Variants in MPP7 observed in about 807,000 individuals in gnomAD.
MPP7 encodes MAGUK p55 subfamily member 7.
A neutral mutation model predicts 76.5 loss-of-function variants in MPP7; 60 were observed. The observed-to-expected ratio is 0.78, with a 90% CI of 0.64 to 0.97. The LOEUF (loss-of-function observed/expected upper bound fraction) is 0.97, where lower values mean the gene tolerates loss of function less well. Among genes scored for constraint, MPP7 ranks in the 50% least tolerant of loss-of-function variants. The pLI, the probability that MPP7 is intolerant of heterozygous loss-of-function variation, is 0.00. For missense variants in MPP7, 641 were observed against 694.0 expected, an observed-to-expected ratio of 0.92 and a Z score of 0.86; for synonymous variants, 237 against 244.5, an observed-to-expected ratio of 0.97 and a Z score of 0.29.
intron 1 of MPP7, among the ~76,000 whole-genome samples, chr10:28,295,663 T>C (rs974199015): frequency 3.9e-5 from 6 of 152,232 alleles, no homozygotes; most frequent in African/African-American, 1.4e-4. Flanking sequence ...GGAGTGAAGC[T>C]AAGGAATGCC....
chr10:28,316,326 T>C (rs1412099764), intron 2 of MPP7, among the ~76,000 whole-genome samples: 1 of 150,844 alleles, frequency 6.6e-6, no homozygotes, highest in Non-Finnish European at 1.5e-5. Context: ...TCCCAGCTAC[T>C]CAGGAGGTTG....
chr10:28,118,983 G>C (rs1008361881), intron 11 of MPP7: 254 of 985,262 alleles, frequency 2.6e-4, no homozygotes, highest in Non-Finnish European at 2.9e-4. Flanking sequence ...ATCTAGGCGA[G>C]GTGGAACAGG....
chr10:28,294,482 G>A (rs1283516035), intron 1 of MPP7, among the ~76,000 whole-genome samples: 2 of 152,178 alleles, frequency 1.3e-5, no homozygotes, highest in Non-Finnish European at 2.9e-5. Flanking sequence ...AACATACGGT[G>A]ATTAAAGAAT....
intron 10 of MPP7, 93 bp from the exon 11 acceptor site, chr10:28,119,808 A>C (rs1249086160): frequency 2.0e-6 from 2 of 1,001,690 alleles, no homozygotes; most frequent in Non-Finnish European, 3.0e-6. Flanking sequence ...AAAAAACTTA[A>C]AGGTTAGAGA....
chr10:28,269,553 A>C, intron 1 of MPP7, among the ~76,000 whole-genome samples: 1 of 144,620 alleles, frequency 6.9e-6, no homozygotes, highest in East Asian at 2.0e-4. Context: ...AAGAGATGAG[A>C]TCTTGCTCTG....
intron 3 of MPP7, among the ~76,000 whole-genome samples, chr10:28,151,119 T>C (rs1835869958): frequency 6.6e-6 from 1 of 152,170 alleles, no homozygotes; most frequent in South Asian, 2.1e-4. Context: ...CCAAACTCCA[T>C]TGTAAAAGTC....
intron 13 of MPP7, among the ~76,000 whole-genome samples, chr10:28,063,563 C>T (rs771910400): frequency 7.9e-5 from 12 of 152,002 alleles, no homozygotes; most frequent in Non-Finnish European, 1.5e-4. Flanking sequence ...CTGTTAGGAA[C>T]CAGGCCACAC....
chr10:28,066,951 A>G (rs1852014095), intron 13 of MPP7, among the ~76,000 whole-genome samples: 1 of 152,174 alleles, frequency 6.6e-6, no homozygotes, highest in Non-Finnish European at 1.5e-5. Context: ...CATTCAAATG[A>G]TAAGCATTTG....
At chr10:28,224,293 G>T (rs1176146653) in intron 2 of MPP7, among the ~76,000 whole-genome samples, 1 of 151,350 alleles carries the variant, frequency 6.6e-6, no homozygotes, top group African/African-American at 2.4e-5. Context: ...TTAACAACTA[G>T]AAGAAAAAAC....
At chr10:28,324,530 G>A (rs756677495) in intron 2 of MPP7, among the ~76,000 whole-genome samples, 10 of 152,180 alleles carry the variant, frequency 6.6e-5, no homozygotes, top group Non-Finnish European at 1.0e-4. Context: ...CTGCAATTTA[G>A]TGGAGCATCT....
At position 28,058,543 on chromosome 10, in the gene MPP7, C is replaced by A; in HGVS notation, c.1359G>T (p.Arg453=). The A allele has an allele frequency of 6.2e-7, 1 of 1,607,098 alleles. No individual in the cohort carries two copies. The highest frequency in any genetic ancestry group is 1.1e-5 in the South Asian group (1 of 89,850). ...NYYGTSIDSV[R]SVLAKNKVCL... is the part of the protein sequence containing the mutation. ...AAACTTTGTTTTTAGCAAGGACAGA[C>A]CGAACTGAGTCTATACTTGTGCCGT... The change falls in exon 15 of 17, where the codon CGG becomes CGT. Residue 453 remains arginine, a synonymous_variant. Coordinates refer to ENST00000683449, the MANE Select transcript of MPP7 (RefSeq NM_001318170.2).
chr10:28,260,769 C>CAAAAAAA (rs772017051), intron 1 of MPP7, among the ~76,000 whole-genome samples: 1 of 68,348 alleles, frequency 1.5e-5, no homozygotes, highest in Non-Finnish European at 3.1e-5. Flanking sequence ...GACTCCATCT[C>CAAAAAAA]AAAAAAAAAA....
chr10:28,299,993 T>G (rs1489174459), intron 1 of MPP7, among the ~76,000 whole-genome samples: 1 of 152,090 alleles, frequency 6.6e-6, no homozygotes, highest in East Asian at 1.9e-4. Flanking sequence ...GGTCTCAATC[T>G]CCTGACCTTG....
chr10:28,100,091 A>T (rs1422433320), intron 11 of MPP7, among the ~76,000 whole-genome samples: 2 of 150,242 alleles, frequency 1.3e-5, no homozygotes, highest in Non-Finnish European at 2.9e-5. Flanking sequence ...GAAAAAAAAA[A>T]TTTACTATAA....
At chr10:28,329,536 G>A (rs916164283) in intron 2 of MPP7, among the ~76,000 whole-genome samples, 8 of 150,750 alleles carry the variant, frequency 5.3e-5, no homozygotes, top group African/African-American at 1.5e-4. Context: ...GGCTGAGGCA[G>A]GAGAATGGTG....
chr10:28,313,853 A>ATTTTT lies in MPP7; in HGVS notation c.-132+16071_-132+16075dup, dbSNP rs1192149562. On this transcript the variant is annotated intron_variant, in intron 2 of 11. Coordinates refer to the MPP7 transcript ENST00000441595. ...AGGTGTGTGCCACTATACCTGGCTA[A>ATTTTT]TTTTTTTTTTTTTATTTTTTTTATT... Among the ~76,000 whole-genome samples the ATTTTT allele has an allele frequency of 1.5e-3, 49 of 32,664 alleles. 7 individuals are homozygous for ATTTTT. The highest frequency in any genetic ancestry group is 1.8e-3 in the Non-Finnish European group (35 of 18,976). 21.4% of individuals were successfully genotyped at this position (32,664 alleles called of 152,430 possible). A position where few individuals can be genotyped will look rare whatever the true frequency, so the allele number is the denominator to read the frequency against.
intron 12 of MPP7, among the ~76,000 whole-genome samples, chr10:28,088,725 G>A (rs553080017): frequency 8.5e-5 from 13 of 152,164 alleles, no homozygotes; most frequent in African/African-American, 2.7e-4. Flanking sequence ...AATATCTCTC[G>A]CTACATTTTT....
At chr10:28,213,303 C>T (rs1007691460) in intron 2 of MPP7, among the ~76,000 whole-genome samples, 6 of 151,920 alleles carry the variant, frequency 3.9e-5, no homozygotes, top group African/African-American at 1.2e-4. Context: ...GGGTCAAGCG[C>T]GCAGGTGGAT....
intron 13 of MPP7, among the ~76,000 whole-genome samples, chr10:28,068,155 C>T (rs971002530): frequency 5.3e-5 from 8 of 151,712 alleles, no homozygotes; most frequent in African/African-American, 1.9e-4. Flanking sequence ...TTTCTAATAA[C>T]TTATATATTG....
Sources: allele counts gnomAD v4.1 joint callset (sites outside exome capture counted in the v4.1 genomes callset), GRCh38; gene constraint gnomAD v4.1.1; transcripts MANE v1.5; gene names NCBI Gene and HGNC (gene_info 2026-07-23, HGNC 2026-07-21).